The following PRKG1 variants were observed in gnomAD, a reference collection of about 807,000 sequenced individuals.
PRKG1 encodes cGMP-dependent protein kinase 1.
PRKG1 carries 35 observed loss-of-function variants against 88.1 expected under a neutral mutation model. The ratio of observed to expected loss-of-function variants is 0.40; its 90% CI spans 0.30 to 0.53. The LOEUF is 0.53. PRKG1 is among the 20% of genes least tolerant of loss of function. PRKG1 has a pLI of 0.59. For missense variants in PRKG1, 540 were observed against 839.8 expected (o/e 0.64, Z 4.41); for synonymous variants, 303 against 292.5 (o/e 1.04, Z -0.37).
At chr10:52,104,398 T>A (rs1158643851) in intron 7 of PRKG1, among the ~76,000 whole-genome samples, 1 of 152,084 alleles carries the variant, frequency 6.6e-6, no homozygotes, top group Non-Finnish European at 1.5e-5. Flanking sequence ...CATTGAAAGA[T>A]GATATCCAGA....
intron 4 of PRKG1, among the ~76,000 whole-genome samples, chr10:51,904,436 G>A (rs903790870): frequency 4.6e-5 from 7 of 152,174 alleles, no homozygotes; most frequent in African/African-American, 1.7e-4. Context: ...TTCGTGGGTA[G>A]AATTTCAAAC....
At chr10:51,574,203 T>C (rs1350468666) in intron 3 of PRKG1, among the ~76,000 whole-genome samples, 1 of 151,924 alleles carries the variant, frequency 6.6e-6, no homozygotes, top group Non-Finnish European at 1.5e-5. Flanking sequence ...CTCTGATGTC[T>C]TAGAGCAACA....
chr10:51,696,153 T>C (rs1014300719), intron 3 of PRKG1: 2 of 152,148 alleles, frequency 1.3e-5, no homozygotes, highest in African/African-American at 4.8e-5. Flanking sequence ...ATTCAGGCTA[T>C]ATAAAAACTT....
intron 3 of PRKG1, among the ~76,000 whole-genome samples, chr10:51,802,753 A>G (rs1193414426): frequency 1.3e-5 from 2 of 152,150 alleles, no homozygotes; most frequent in Admixed American, 6.6e-5. Context: ...CCAAGGAGAG[A>G]AACAGATAGA....
At chr10:51,596,706 C>A (rs1838457931) in intron 3 of PRKG1, among the ~76,000 whole-genome samples, 1 of 152,074 alleles carries the variant, frequency 6.6e-6, no homozygotes, top group African/African-American at 2.4e-5. Context: ...TCTTCGTTTT[C>A]TAAGTTGGAA....
intron 2 of PRKG1, among the ~76,000 whole-genome samples, chr10:51,169,571 A>G (rs1228924462): frequency 1.3e-5 from 2 of 152,164 alleles, no homozygotes; most frequent in Admixed American, 1.3e-4. Context: ...TGGAAGATAA[A>G]AGGCTTACTC....
At chr10:51,001,990 A>C (rs1478777965) in intron 1 of PRKG1, among the ~76,000 whole-genome samples, 1 of 151,888 alleles carries the variant, frequency 6.6e-6, no homozygotes, top group African/African-American at 2.4e-5. Context: ...GTTTTGGGGA[A>C]TATATTTAAA....
chr10:52,131,548 A>G (rs1259165096), intron 7 of PRKG1, among the ~76,000 whole-genome samples: 1 of 151,950 alleles, frequency 6.6e-6, no homozygotes, highest in African/African-American at 2.4e-5. Flanking sequence ...GATGATGTGT[A>G]TTAAAAGGAG....
In PRKG1 at chr10:51,376,687, T is replaced by C. The variant is rs188390181; in HGVS notation, c.479-91036T>C. On this transcript the variant is annotated intron_variant, in intron 2 of 17. Transcript: ENST00000373980. ...TCTTTGTTGTTGTTTTTTGTTTGTT[T>C]GTTTTTGAGAGAGTTTTGCTCTTGT... Among the ~76,000 whole-genome samples, 12 of 152,318 alleles carry C rather than the reference T, an allele frequency of 7.9e-5. No individual in the cohort carries two copies. The East Asian group carries it at 2.3e-3, about 29-fold the overall frequency.
intron 3 of PRKG1, among the ~76,000 whole-genome samples, chr10:51,721,186 C>T (rs1331779608): frequency 1.5e-4 from 22 of 148,862 alleles, no homozygotes; most frequent in Non-Finnish European, 1.5e-5. Context: ...TGCACTCCAG[C>T]CTCTGGGTGA....
rs371510665 is a variant in PRKG1 at position 50,993,338 on chromosome 10, C to T, written c.266+1694C>T. 6.6e-5 allele frequency among the ~76,000 whole-genome samples: 10 copies of T among 152,334 alleles called. No individual in the cohort carries two copies. The East Asian group carries it at 1.2e-3, about 18-fold the overall frequency. On this transcript the variant is annotated intron_variant, in intron 1 of 17. Transcript: ENST00000401604. Reference sequence around the variant, plus strand: ...TAGTGACATTCCACTTACGAATTAACACTGTGTACATGGCACCTTTGGGCC... The same window carrying T: ...TAGTGACATTCCACTTACGAATTAATACTGTGTACATGGCACCTTTGGGCC...
At chr10:51,120,972 G>A (rs1229824389) in intron 1 of PRKG1, among the ~76,000 whole-genome samples, 5 of 152,074 alleles carry the variant, frequency 3.3e-5, no homozygotes, top group African/African-American at 7.2e-5. Context: ...CTTTTTGGAA[G>A]CTCTAGCAAA....
intron 2 of PRKG1, among the ~76,000 whole-genome samples, chr10:51,204,771 G>T (rs1201639609): frequency 6.6e-6 from 1 of 152,064 alleles, no homozygotes; most frequent in Non-Finnish European, 1.5e-5. Flanking sequence ...TGTCCTTGAG[G>T]CATAGTGAGA....
intron 3 of PRKG1, among the ~76,000 whole-genome samples, chr10:51,753,518 C>T (rs1201230085): frequency 1.3e-5 from 2 of 152,020 alleles, no homozygotes; most frequent in African/African-American, 4.8e-5. Flanking sequence ...TTGAATTTCT[C>T]GCAATACAAT....
At chr10:51,072,749 A>G (rs553293157), upstream of PRKG1, among the ~76,000 whole-genome samples, 1 of 152,248 alleles carries the variant, frequency 6.6e-6, no homozygotes, top group South Asian at 2.1e-4. Context: ...TTAGGACTAT[A>G]TATTTTGTCA....
intron 1 of PRKG1, among the ~76,000 whole-genome samples, chr10:51,086,388 G>T (rs1844248256): frequency 6.6e-6 from 1 of 152,072 alleles, no homozygotes; most frequent in African/African-American, 2.4e-5. Context: ...CAGCTAAAAG[G>T]GTGTAGCCCA....
chr10:51,265,757 A>C (rs979144814), intron 2 of PRKG1, among the ~76,000 whole-genome samples: 9 of 152,200 alleles, frequency 5.9e-5, no homozygotes, highest in Non-Finnish European at 1.2e-4. Flanking sequence ...CTTCTGGTTG[A>C]GAAAACCATG....
At chr10:51,758,749 T>TC (rs1203489472) in intron 3 of PRKG1, among the ~76,000 whole-genome samples, 1 of 152,128 alleles carries the variant, frequency 6.6e-6, no homozygotes, top group African/African-American at 2.4e-5. Context: ...TACACAGGCA[T>TC]ACATGTGCCA....
chr10:52,281,159 C>A (rs1311692750), intron 13 of PRKG1, among the ~76,000 whole-genome samples: 15 of 152,098 alleles, frequency 9.9e-5, no homozygotes, highest in Admixed American at 9.8e-4. Flanking sequence ...GCAAAAGATG[C>A]TTTTATAAGC....
Sources: allele counts gnomAD v4.1 joint callset (sites outside exome capture counted in the v4.1 genomes callset), GRCh38; gene constraint gnomAD v4.1.1; transcripts MANE v1.5; gene names NCBI Gene and HGNC (gene_info 2026-07-23, HGNC 2026-07-21).